Variants in MANEA observed in about 807,000 individuals in gnomAD.
The protein encoded by MANEA is mannosidase endo-alpha.
A neutral mutation model predicts 36.8 loss-of-function variants in MANEA; 25 were observed. The ratio of observed to expected loss-of-function variants is 0.68; its 90% confidence interval spans 0.50 to 0.95. The LOEUF (loss-of-function observed/expected upper bound fraction) is 0.95. Ranked by LOEUF, MANEA falls within the 40% of genes least tolerant of loss-of-function variation. The pLI is 0.00. For missense variants in MANEA, 565 were observed against 558.8 expected (o/e 1.01, Z -0.11); for synonymous variants, 198 against 188.5 (o/e 1.05, Z -0.41).
At chr6:95,586,293 TATTA>T (rs149787727) in intron 1 of MANEA, 105 bp from the exon 2 acceptor site, 48,543 of 636,232 alleles carry the variant, frequency 0.076, 1,939 homozygotes, top group East Asian at 0.083. Context: ...ATGAAATCAG[TATTA>T]ATTATTCAAT....
At chr6:95,585,534 C>T (rs1184688979) in intron 1 of MANEA, among the ~76,000 whole-genome samples, 1 of 152,120 alleles carries the variant, frequency 6.6e-6, no homozygotes, top group African/African-American at 2.4e-5. Context: ...AGGCTGGTCT[C>T]AAACTGCTGA....
At chr6:95,604,926 A>G in intron 4 of MANEA, 23 bp downstream of exon 4, 1 of 911,060 alleles carries the variant, frequency 1.1e-6, no homozygotes, top group South Asian at 2.1e-5. Context: ...AATATTTATA[A>G]ATATTGTTAT....
Position 95,586,722 on chromosome 6 carries a change from G to T in MANEA, c.283G>T (p.Glu95Ter). The T allele has an allele frequency of 6.2e-7, 1 of 1,613,890 alleles. No homozygotes were observed. Among genetic ancestry groups the T allele is most frequent in the East Asian group, 2.2e-5 (1 of 44,856 alleles). The change falls in exon 2 of 5, where the codon GAA becomes TAA. Residue 95 changes from glutamate (E) to a stop codon, truncating the protein, a stop_gained. Coordinates refer to ENST00000358812, the MANE Select transcript of MANEA (RefSeq NM_024641.4). LOFTEE classifies it high-confidence loss of function. The part of the protein sequence containing the change: ...PSKASELNLD[E>*]LPPLNNYLHV... ...CAAAGCCTCTGAACTTAACTTGGAT[G>T]AACTACCACCTCTGAACAATTATCT...
rs1247837942 is a variant in MANEA at position 95,606,426 on chromosome 6, A to G, written c.*21A>G. 46 of 1,524,572 alleles carry G rather than the reference A, an allele frequency of 3.0e-5. No individual in the cohort carries two copies. The highest frequency in any genetic ancestry group is 3.9e-5 in the Non-Finnish European group (44 of 1,142,656). The allele number at this position is 1,524,572 out of a possible 1,614,324, so 94.4% of individuals were successfully genotyped here. A position where few individuals can be genotyped will look rare whatever the true frequency, so the allele number is the denominator to read the frequency against. ...CTTAATGCATTGATTAAAGTTTAAT[A>G]GTTATCAAAATCACCTAATTTTTAA... On this transcript the variant is annotated 3_prime_UTR_variant, in exon 5 of 5. Transcript: ENST00000358812.
chr6:95,590,738 G>T (rs1389773815), intron 2 of MANEA, among the ~76,000 whole-genome samples: 2 of 152,122 alleles, frequency 1.3e-5, no homozygotes, highest in African/African-American at 2.4e-5. Context: ...AAATTTGAAA[G>T]TATTCATTGC....
In MANEA at chr6:95,608,485, C is replaced by G. The variant is rs1363132418; in HGVS notation, c.*2080C>G. 1 of 151,892 alleles carries G rather than the reference C, an allele frequency of 6.6e-6. No individual in the cohort carries two copies. The highest frequency in any genetic ancestry group is 2.4e-5 in the African/African-American group (1 of 41,426). The allele number at this position is 151,892 out of a possible 1,614,324, so 9.4% of individuals were successfully genotyped here. A position where few individuals can be genotyped will look rare whatever the true frequency, so the allele number is the denominator to read the frequency against. ...GGTGAATCCACACAGCATACTTCATCTCTGAGCTTTGTTGTGATTCCTCAA... is the reference window on the plus strand; with the variant it reads ...GGTGAATCCACACAGCATACTTCATGTCTGAGCTTTGTTGTGATTCCTCAA... On this transcript the variant is annotated 3_prime_UTR_variant, in exon 5 of 5. Transcript: ENST00000358812.
At chr6:95,584,084 C>T (rs9488739) in intron 1 of MANEA, among the ~76,000 whole-genome samples, 14,490 of 152,128 alleles carry the variant, frequency 0.095, 815 homozygotes, top group Non-Finnish European at 0.12. Context: ...TCTCTTAATC[C>T]TCTTATCTTC....
intron 1 of MANEA, among the ~76,000 whole-genome samples, chr6:95,582,855 C>T (rs1769208334): frequency 6.6e-6 from 1 of 152,022 alleles, no homozygotes; most frequent in Admixed American, 6.6e-5. Context: ...ATGTGTGTAT[C>T]CTCTCTTTAA....
At chr6:95,605,407 C>A (rs571754696) in intron 4 of MANEA, among the ~76,000 whole-genome samples, 18 of 151,984 alleles carry the variant, frequency 1.2e-4, no homozygotes, top group Non-Finnish European at 2.2e-4. Flanking sequence ...TTGTCAGCAA[C>A]AGTAGAACAT....
At chr6:95,587,553 G>A (rs1436631657) in intron 2 of MANEA, among the ~76,000 whole-genome samples, 1 of 152,106 alleles carries the variant, frequency 6.6e-6, no homozygotes, top group African/African-American at 2.4e-5. Context: ...ATGTGTGTAT[G>A]TCTTTTGCTC....
intron 2 of MANEA, among the ~76,000 whole-genome samples, chr6:95,593,649 T>G (rs552604927): frequency 6.6e-6 from 1 of 152,290 alleles, no homozygotes; most frequent in South Asian, 2.1e-4. Flanking sequence ...AAATTTTAAT[T>G]TATATGGTAG....
chr6:95,608,756 T>G lies in MANEA; in HGVS notation c.*2351T>G, dbSNP rs371396376. ...TCTGCAGATGCTCAAGTCCCTGATA[T>G]AAACTGGCATAGTAGTTGCATATAA... is the stretch of plus-strand genomic sequence containing the variant. On this transcript the variant is annotated 3_prime_UTR_variant, in exon 5 of 5. Coordinates refer to ENST00000358812, the MANE Select transcript of MANEA (RefSeq NM_024641.4). The G allele has an allele frequency of 6.6e-6, 1 of 151,840 alleles. No individual in the cohort carries two copies. Among genetic ancestry groups the G allele is most frequent in the Non-Finnish European group, 1.5e-5 (1 of 67,792 alleles). The allele number at this position is 151,840 out of a possible 1,614,324, so 9.4% of individuals were successfully genotyped here.
chr6:95,597,193 A>C lies in MANEA; in HGVS notation c.654+347A>C, dbSNP rs74586621. ...ACCATGTAACTTTGCATATTTATAAAGTAGTTAAAAAATAAACTTGCTCAA... is the reference window on the plus strand; with the variant it reads ...ACCATGTAACTTTGCATATTTATAACGTAGTTAAAAAATAAACTTGCTCAA... On this transcript the variant is annotated intron_variant, in intron 3 of 4. Coordinates refer to ENST00000358812, the MANE Select transcript of MANEA (RefSeq NM_024641.4). Among the ~76,000 whole-genome samples, 174 of 152,194 alleles carry C rather than the reference A, an allele frequency of 1.1e-3. 1 individual carries two copies. The highest frequency in any genetic ancestry group is 4.0e-3 in the African/African-American group (168 of 41,584).
At chr6:95,593,563 T>G (rs1769425384) in intron 2 of MANEA, among the ~76,000 whole-genome samples, 1 of 152,206 alleles carries the variant, frequency 6.6e-6, no homozygotes, top group African/African-American at 2.4e-5. Flanking sequence ...CCTAAAACAG[T>G]AGATACATAG....
chr6:95,603,314 T>C (rs779086245), intron 3 of MANEA, among the ~76,000 whole-genome samples: 8 of 151,944 alleles, frequency 5.3e-5, no homozygotes, highest in Admixed American at 2.0e-4. Context: ...AAGGAAGAAT[T>C]ACCCAAGGAA....
intron 1 of MANEA, among the ~76,000 whole-genome samples, chr6:95,579,540 G>T (rs1769142108): frequency 6.6e-6 from 1 of 151,820 alleles, no homozygotes; most frequent in African/African-American, 2.4e-5. Context: ...TTTATCTCCG[G>T]TGGCTTCATA....
rs1192858991 is a variant in MANEA at position 95,586,697 on chromosome 6, C to A, written c.258C>A (p.Ser86=). The A allele has an allele frequency of 3.1e-6, 5 of 1,613,824 alleles. No homozygotes were observed. The African/African-American group carries it at 6.7e-5, about 22-fold the overall frequency. Residue 86 remains serine, a synonymous_variant, in exon 2 of 5, where the codon TCC becomes TCA. Coordinates refer to ENST00000358812, the MANE Select transcript of MANEA (RefSeq NM_024641.4). ...GTGTTGAAATCACTATGAAACCTTC[C>A]AAAGCCTCTGAACTTAACTTGGATG... ...LKSVEITMKP[S]KASELNLDEL...
intron 3 of MANEA, among the ~76,000 whole-genome samples, chr6:95,600,573 A>G (rs1769569877): frequency 6.6e-6 from 1 of 152,180 alleles, no homozygotes; most frequent in Non-Finnish European, 1.5e-5. Flanking sequence ...TTGCTAATAT[A>G]AGGAAATTTT....
At position 95,604,879 on chromosome 6, in the gene MANEA, A is replaced by G. The variant is rs780321931; in HGVS notation, c.707A>G (p.Lys236Arg). Residue 236 changes from lysine to arginine, a missense_variant, in exon 4 of 5, where the codon AAA (lysine) becomes AGA (arginine). Transcript: ENST00000358812. ...YSNRDDQNMY[K>R]NVKYIIDKYG... Reference sequence around the variant, plus strand: ...AATCGAGATGATCAAAACATGTACAAAAATGTCAAGTATATTATAGACAAG... The same window carrying G: ...AATCGAGATGATCAAAACATGTACAGAAATGTCAAGTATATTATAGACAAG... The G allele has an allele frequency of 3.1e-5, 46 of 1,467,382 alleles. No homozygotes were observed. The highest frequency in any genetic ancestry group is 4.1e-5 in the Non-Finnish European group (44 of 1,082,386). The allele number at this position is 1,467,382 out of a possible 1,614,324, so 90.9% of individuals were successfully genotyped here. A position where few individuals can be genotyped will look rare whatever the true frequency, so the allele number is the denominator to read the frequency against.
Sources: allele counts gnomAD v4.1 joint callset (sites outside exome capture counted in the v4.1 genomes callset), GRCh38; gene constraint gnomAD v4.1.1; transcripts MANE v1.5; gene names NCBI Gene and HGNC (gene_info 2026-07-23, HGNC 2026-07-21).